The following THSD4 variants were observed in gnomAD, a reference collection of about 807,000 sequenced individuals.
The protein encoded by THSD4 is thrombospondin type 1 domain containing 4.
Under a neutral mutation model 119.0 loss-of-function variants are expected in THSD4, and 69 were observed. That is an observed-to-expected ratio of 0.58 (90% CI 0.48 to 0.71). The LOEUF (loss-of-function observed/expected upper bound fraction) is 0.71. THSD4 is among the 30% of genes least tolerant of loss of function. THSD4 has a pLI of 0.00. For synonymous variants in THSD4, 524 were observed against 540.4 expected (o/e 0.97, Z 0.42); for missense variants, 1,393 against 1,391.1 (o/e 1.00, Z -0.02).
At chr15:71,311,722 C>T (rs1456121381) in intron 6 of THSD4, among the ~76,000 whole-genome samples, 1 of 152,224 alleles carries the variant, frequency 6.6e-6, no homozygotes, top group African/African-American at 2.4e-5. Context: ...GGGTAAATGG[C>T]ACCACCATCT....
chr15:71,452,776 A>G (rs2047283940), intron 7 of THSD4, among the ~76,000 whole-genome samples: 1 of 151,870 alleles, frequency 6.6e-6, no homozygotes, highest in African/African-American at 2.4e-5. Context: ...CACCACACCC[A>G]GCTGATTTTT....
chr15:71,674,924 C>T (rs2051608748), intron 8 of THSD4, among the ~76,000 whole-genome samples: 1 of 152,086 alleles, frequency 6.6e-6, no homozygotes, highest in Non-Finnish European at 1.5e-5. Context: ...TCACTAAGAT[C>T]CCTTTCAGTG....
At chr15:71,430,759 G>GAAAAAAAAA (rs397719477) in intron 7 of THSD4, among the ~76,000 whole-genome samples, 5 of 82,946 alleles carry the variant, frequency 6.0e-5, no homozygotes, top group East Asian at 4.1e-4. Context: ...TCTGTCTCAA[G>GAAAAAAAAA]AAAAAAAAAA....
intron 7 of THSD4, among the ~76,000 whole-genome samples, chr15:71,511,549 G>A (rs975214551): frequency 1.3e-5 from 2 of 152,016 alleles, no homozygotes; most frequent in East Asian, 1.9e-4. Context: ...GAATTAAAAC[G>A]TGGGAAAACC....
At position 71,259,540 on chromosome 15, in the gene THSD4, G is replaced by C. The variant is rs138905737; in HGVS notation, c.1015+2825G>C. ...TAGAGAAGTGAGGCATGTATCCAAA[G>C]TGAGCAACTGCCTCAACTGGCTCAC... is the stretch of plus-strand genomic sequence containing the variant. On this transcript the variant is annotated intron_variant, in intron 6 of 17. Transcript: ENST00000261862. Among the ~76,000 whole-genome samples, 424 of 152,284 alleles carry C rather than the reference G, an allele frequency of 2.8e-3. 2 individuals carry two copies. Among genetic ancestry groups the C allele is most frequent in the African/African-American group, 9.3e-3 (387 of 41,564 alleles).
At position 71,264,665 on chromosome 15, in the gene THSD4, A is replaced by G. The variant is rs550735463; in HGVS notation, c.1015+7950A>G. Among the ~76,000 whole-genome samples, 5 of 152,306 alleles carry G rather than the reference A, an allele frequency of 3.3e-5. No homozygotes were observed. The South Asian group carries it at 1.0e-3, about 32-fold the overall frequency. ...GAGATTAGTGGATAAGACCTTCAAG[A>G]AAATGTAGAATAACAAAATGGATTT... On this transcript the variant is annotated intron_variant, in intron 6 of 17. Coordinates refer to ENST00000261862, the MANE Select transcript of THSD4 (RefSeq NM_024817.3).
chr15:71,642,011 T>G (rs1302354959), intron 7 of THSD4, among the ~76,000 whole-genome samples: 1 of 152,196 alleles, frequency 6.6e-6, no homozygotes, highest in Non-Finnish European at 1.5e-5. Flanking sequence ...CACAGACCAG[T>G]GTCCAAAGGT....
chr15:71,588,184 T>C (rs1239889275), intron 7 of THSD4, among the ~76,000 whole-genome samples: 6 of 151,226 alleles, frequency 4.0e-5, no homozygotes, highest in Non-Finnish European at 3.0e-5. Flanking sequence ...CGGGCGCCTG[T>C]AGTCCCAGCT....
chr15:71,652,475 C>G (rs2140982808), intron 7 of THSD4, among the ~76,000 whole-genome samples: 1 of 152,320 alleles, frequency 6.6e-6, no homozygotes, highest in African/African-American at 2.4e-5. Context: ...CCTCTCTCCT[C>G]CTTCCCCCAT....
chr15:71,240,355 T>TAAAAA (rs560797878), intron 4 of THSD4, among the ~76,000 whole-genome samples: 1,686 of 152,334 alleles, frequency 0.011, 10 homozygotes, highest in Middle Eastern at 0.02. Flanking sequence ...TTTCCTTCAT[T>TAAAAA]AAAAATGGTA....
At chr15:71,634,074 C>G (rs3743049) in intron 7 of THSD4, among the ~76,000 whole-genome samples, 41,020 of 151,506 alleles carry the variant, frequency 0.27, 6,265 homozygotes, top group East Asian at 0.62. Context: ...GTGATTCCAG[C>G]GACTTGGGAC....
chr15:71,378,938 A>G (rs1294268488), intron 6 of THSD4, among the ~76,000 whole-genome samples: 1 of 151,916 alleles, frequency 6.6e-6, no homozygotes, highest in East Asian at 1.9e-4. Flanking sequence ...TGCATGCCAC[A>G]ATGCTGGGCT....
chr15:71,585,068 T>C (rs1173733685), intron 7 of THSD4, among the ~76,000 whole-genome samples: 1 of 152,232 alleles, frequency 6.6e-6, no homozygotes, highest in African/African-American at 2.4e-5. Context: ...CCATAGTTAT[T>C]TTTACTATTT....
chr15:71,180,322 T>C (rs1260593612), intron 3 of THSD4, among the ~76,000 whole-genome samples: 2 of 152,146 alleles, frequency 1.3e-5, no homozygotes, highest in African/African-American at 2.4e-5. Flanking sequence ...ACATGATTCA[T>C]AAATGGGCAA....
At chr15:71,607,391 A>G (rs942138062) in intron 7 of THSD4, among the ~76,000 whole-genome samples, 1 of 152,248 alleles carries the variant, frequency 6.6e-6, no homozygotes, top group Non-Finnish European at 1.5e-5. Flanking sequence ...AGATGTTAAC[A>G]TAGGAAAGTC....
chr15:71,593,971 G>C (rs973755740), intron 7 of THSD4, among the ~76,000 whole-genome samples: 3 of 143,822 alleles, frequency 2.1e-5, no homozygotes, highest in Admixed American at 7.1e-5. Context: ...AAATCACTAA[G>C]AATGGGGGCT....
At chr15:71,662,165 C>T (rs1488189247) in intron 8 of THSD4, among the ~76,000 whole-genome samples, 1 of 152,154 alleles carries the variant, frequency 6.6e-6, no homozygotes, top group Non-Finnish European at 1.5e-5. Flanking sequence ...TTTCAAATAT[C>T]AGGATCACCC....
intron 1 of THSD4, among the ~76,000 whole-genome samples, chr15:71,109,731 GA>G (rs10717858): frequency 0.32 from 42,755 of 132,548 alleles, 6,283 homozygotes; most frequent in African/African-American, 0.39. Context: ...CACTAAAAGA[GA>G]AAAAAAAAAA....
chr15:71,566,483 A>G (rs1344125805), intron 7 of THSD4, among the ~76,000 whole-genome samples: 2 of 152,130 alleles, frequency 1.3e-5, no homozygotes, highest in Admixed American at 1.3e-4. Flanking sequence ...GGGGGTAGAC[A>G]GATAACTAGC....
Sources: allele counts gnomAD v4.1 joint callset (sites outside exome capture counted in the v4.1 genomes callset), GRCh38; gene constraint gnomAD v4.1.1; transcripts MANE v1.5; gene names NCBI Gene and HGNC (gene_info 2026-07-23, HGNC 2026-07-21).